Variants in DAPK2 observed in about 807,000 individuals in gnomAD.
DAPK2 encodes death-associated protein kinase 2.
Under a neutral mutation model 44.1 loss-of-function variants are expected in DAPK2, and 35 were observed. That is an observed-to-expected ratio of 0.79 (90% CI 0.61 to 1.05). DAPK2 has a LOEUF of 1.05. Ranked by LOEUF, DAPK2 falls within the 50% of genes least tolerant of loss-of-function variation. DAPK2 has a pLI of 0.00. For synonymous variants in DAPK2, 174 were observed against 182.6 expected (o/e 0.95, Z 0.38); for missense variants, 453 against 483.2 (o/e 0.94, Z 0.59).
chr15:63,939,361 G>A lies in DAPK2; in HGVS notation c.454C>T (p.Pro152Ser). 6.4e-7 allele frequency: 1 copy of A among 1,574,674 alleles called. No individual in the cohort carries two copies. ...TTGTCTAACAACATAATGTTTTCTG[G>A]CTGGACAACAAAAAGTAGAAAAAAA... is the stretch of plus-strand genomic sequence containing the variant. The change falls in exon 4 of 11, where the codon CCA becomes TCA. Residue 152 changes from proline to serine, a missense_variant and splice_region_variant. By Grantham distance (74) the Pro-to-Ser change is moderately conservative. Coordinates refer to ENST00000261891, the Ensembl canonical transcript of DAPK2. This position sits in a 1 kb window ranked among gnomAD's most constrained non-coding sequence, Gnocchi z 4.3.
chr15:63,980,977 C>T lies in DAPK2; in HGVS notation c.314+2556G>A, dbSNP rs1262673047. Reference sequence around the variant, plus strand: ...TGGTGGTGGGTGCCTGTAATTCCAGCTACTTGGGAGGCTGAGGTAGGAGAA... The same window carrying T: ...TGGTGGTGGGTGCCTGTAATTCCAGTTACTTGGGAGGCTGAGGTAGGAGAA... On this transcript the variant is annotated intron_variant, in intron 2 of 10. Coordinates refer to ENST00000261891, the Ensembl canonical transcript of DAPK2. The surrounding 1 kb of genome is among the most constrained non-coding windows in gnomAD (Gnocchi z 4.3). Among the ~76,000 whole-genome samples the T allele has an allele frequency of 6.6e-6, 1 of 151,840 alleles. No individual in the cohort carries two copies. The highest frequency in any genetic ancestry group is 1.5e-5 in the Non-Finnish European group (1 of 67,974).
At chr15:64,041,378 C>A (rs1420615916), upstream of DAPK2, among the ~76,000 whole-genome samples, 1 of 152,226 alleles carries the variant, frequency 6.6e-6, no homozygotes, top group East Asian at 1.9e-4. Flanking sequence ...TAGCCCAACT[C>A]TGAGCCATGG....
At chr15:64,005,436 C>T (rs2079200341) in intron 1 of DAPK2, among the ~76,000 whole-genome samples, 1 of 151,094 alleles carries the variant, frequency 6.6e-6, no homozygotes, top group East Asian at 1.9e-4. Flanking sequence ...GATGCCAGCC[C>T]AAGAATATCA....
At chr15:64,037,106 G>A (rs1404568470) in intron 1 of DAPK2, among the ~76,000 whole-genome samples, 4 of 152,186 alleles carry the variant, frequency 2.6e-5, no homozygotes, top group African/African-American at 4.8e-5. Flanking sequence ...GCTAGGACAG[G>A]AACCCAAACC....
exon 11 of DAPK2, chr15:63,907,849 G>C (rs933393675): frequency 2.0e-5 from 3 of 152,390 alleles, no homozygotes; most frequent in African/African-American, 7.2e-5. Flanking sequence ...ACCCCACTGG[G>C]TGCCCCCCCT....
At chr15:64,005,932 G>T (rs1666505420) in intron 1 of DAPK2, among the ~76,000 whole-genome samples, 1 of 151,710 alleles carries the variant, frequency 6.6e-6, no homozygotes, top group African/African-American at 2.4e-5. Flanking sequence ...TACTTGGGAG[G>T]CTGAGGTAGA....
intron 1 of DAPK2, among the ~76,000 whole-genome samples, chr15:64,035,568 C>T (rs1010625667): frequency 1.3e-5 from 2 of 152,202 alleles, no homozygotes; most frequent in Non-Finnish European, 2.9e-5. Context: ...GGTTCTATCA[C>T]CAGTTCACCT....
intron 2 of DAPK2, among the ~76,000 whole-genome samples, chr15:63,975,664 T>C (rs1350230143): frequency 6.6e-6 from 1 of 151,938 alleles, no homozygotes; most frequent in Non-Finnish European, 1.5e-5. Flanking sequence ...AGTGATGCGA[T>C]CTCAGCTCAC....
intron 3 of DAPK2, among the ~76,000 whole-genome samples, chr15:63,952,126 A>C (rs1273851341): frequency 2.0e-5 from 3 of 152,078 alleles, no homozygotes; most frequent in Non-Finnish European, 4.4e-5. Context: ...TGTAATCCCA[A>C]CTACTCAGGA....
upstream of DAPK2, among the ~76,000 whole-genome samples, chr15:64,041,436 G>T (rs2080351465): frequency 6.6e-6 from 1 of 152,166 alleles, no homozygotes; most frequent in Non-Finnish European, 1.5e-5. Context: ...TCGTCTCCTG[G>T]GATCCCTCTG....
intron 1 of DAPK2, among the ~76,000 whole-genome samples, chr15:64,008,806 A>G (rs1159986961): frequency 6.6e-6 from 1 of 152,192 alleles, no homozygotes; most frequent in Non-Finnish European, 1.5e-5. Context: ...AAATGAGAAG[A>G]AACACCTGCA....
chr15:64,041,999 A>G (rs2080364484), upstream of DAPK2, among the ~76,000 whole-genome samples: 1 of 152,136 alleles, frequency 6.6e-6, no homozygotes. Context: ...AGCATGAAAT[A>G]GTGAAAAGAG....
At position 63,933,024 on chromosome 15, in the gene DAPK2, T is replaced by C. The variant is rs1595740581; in HGVS notation, c.584-2569A>G. Among the ~76,000 whole-genome samples, 3 of 152,352 alleles carry C rather than the reference T, an allele frequency of 2.0e-5. No individual in the cohort carries two copies. The South Asian group carries it at 6.2e-4, about 32-fold the overall frequency. On this transcript the variant is annotated intron_variant, in intron 4 of 10. Coordinates refer to ENST00000261891, the Ensembl canonical transcript of DAPK2. ...AACAATTATTGAAACGACATTGCTA[T>C]GAACTTTTTTTTTGCATGTGTTTCC...
intron 3 of DAPK2, among the ~76,000 whole-genome samples, chr15:63,945,703 C>T (rs991575643): frequency 1.3e-5 from 2 of 152,200 alleles, no homozygotes; most frequent in Non-Finnish European, 2.9e-5. Context: ...AAGCAGGCCA[C>T]GTCCTTTCTC....
chr15:63,994,410 A>AAAGG (rs56254515), intron 1 of DAPK2, among the ~76,000 whole-genome samples: 3,782 of 141,732 alleles, frequency 0.027, 76 homozygotes, highest in East Asian at 0.13. Context: ...TGTTAAAAGA[A>AAAGG]AAGGAAGGAA....
At chr15:64,041,804 C>A (rs1261905882), upstream of DAPK2, among the ~76,000 whole-genome samples, 1 of 152,194 alleles carries the variant, frequency 6.6e-6, no homozygotes, top group Non-Finnish European at 1.5e-5. Flanking sequence ...ACCACTTTAG[C>A]CCCCTGCAAA....
chr15:63,985,047 T>C (rs932882223), intron 1 of DAPK2, among the ~76,000 whole-genome samples: 2 of 152,152 alleles, frequency 1.3e-5, no homozygotes, highest in Non-Finnish European at 2.9e-5. Flanking sequence ...ATCTCTCCAT[T>C]GCCTTAATCT....
At chr15:64,044,368 T>C (rs2080413141), upstream of DAPK2, among the ~76,000 whole-genome samples, 1 of 152,222 alleles carries the variant, frequency 6.6e-6, no homozygotes, top group Non-Finnish European at 1.5e-5. Context: ...TTTTTAGAAC[T>C]GCTTCAGGAT....
chr15:64,033,286 G>GA (rs1567287463), intron 1 of DAPK2, among the ~76,000 whole-genome samples: 1,380 of 97,834 alleles, frequency 0.014, 127 homozygotes, highest in African/African-American at 0.067. Flanking sequence ...AAGGGGGAAG[G>GA]GGGAAGGAAG....
Sources: gnomAD v4.1 joint callset for allele counts (sites outside exome capture counted in the v4.1 genomes callset) on GRCh38, gnomAD v4.1.1 for gene constraint, Gnocchi (gnomAD v3.1) non-coding constraint, MANE v1.5 for transcripts, NCBI Gene and HGNC (gene_info 2026-07-23, HGNC 2026-07-21) for gene names.